CARS2: variants seen among roughly 807,000 people sequenced by gnomAD.
CARS2 encodes probable cysteine--tRNA ligase, mitochondrial.
In CARS2, 52 loss-of-function variants were observed where a neutral mutation model predicts 68.8. The observed-to-expected ratio is 0.76, with a 90% CI of 0.61 to 0.95. The LOEUF (loss-of-function observed/expected upper bound fraction) is 0.95. CARS2 is among the 40% of genes least tolerant of loss of function. The pLI is 0.00. For synonymous variants in CARS2, 314 were observed against 303.6 expected, an observed-to-expected ratio of 1.03 and a Z score of -0.36; for missense variants, 780 against 754.2, an observed-to-expected ratio of 1.03 and a Z score of -0.40.
At chr13:110,645,324 C>T (rs1447151612) in intron 12 of CARS2, 2 of 152,416 alleles carry the variant, frequency 1.3e-5, no homozygotes, top group East Asian at 3.8e-4. Flanking sequence ...CAGAGATGCT[C>T]AACTAACAGA....
chr13:110,661,235 CA>C (rs1330166132), intron 9 of CARS2, among the ~76,000 whole-genome samples: 2 of 152,208 alleles, frequency 1.3e-5, no homozygotes, highest in Non-Finnish European at 2.9e-5. Flanking sequence ...CATCTTCTTC[CA>C]ATAGAAGGCA....
At chr13:110,681,625 G>A (rs117733753) in intron 6 of CARS2, among the ~76,000 whole-genome samples, 1,763 of 152,270 alleles carry the variant, frequency 0.012, 11 homozygotes, top group Non-Finnish European at 0.017. Flanking sequence ...AAACCTGCAC[G>A]TGGATGTTTA....
chr13:110,666,654 C>T, intron 8 of CARS2: 4 of 985,428 alleles, frequency 4.1e-6, no homozygotes, highest in Non-Finnish European at 2.4e-6. Flanking sequence ...CCTAATTTCC[C>T]AATTCAAGGA....
At chr13:110,646,748 G>C (rs188702700) in intron 11 of CARS2, 1 of 221,860 alleles carries the variant, frequency 4.5e-6, no homozygotes, top group South Asian at 1.4e-4. Flanking sequence ...CTCAGAGCCC[G>C]AGGGCCCCAG....
At chr13:110,681,799 C>T (rs2063164312) in intron 6 of CARS2, among the ~76,000 whole-genome samples, 1 of 152,122 alleles carries the variant, frequency 6.6e-6, no homozygotes, top group African/African-American at 2.4e-5. Context: ...ACTGTGTATT[C>T]CTAAGTGAGA....
chr13:110,644,060 C>G (rs1444582158), intron 13 of CARS2: 3 of 1,268,588 alleles, frequency 2.4e-6, no homozygotes, highest in Non-Finnish European at 3.1e-6. Flanking sequence ...AAAATGTTCT[C>G]TTACTGTGCC....
At chr13:110,686,572 T>A (rs78259992) in intron 5 of CARS2, among the ~76,000 whole-genome samples, 2,752 of 151,814 alleles carry the variant, frequency 0.018, 110 homozygotes, top group African/African-American at 0.063. Flanking sequence ...TTATTTTTAT[T>A]TTTTGAGACA....
chr13:110,677,012 C>T lies in CARS2; in HGVS notation c.747G>A (p.Gly249=). ...AGCACTCGATGTGCCAGCCCGGCCT[C>T]CCGGGTCCCCAGGGAGAGGCCCAGA... ...EVFWASPWGP[G]RPGWHIECSA... Residue 249 remains glycine (G), a synonymous_variant, in exon 7 of 15, where the codon GGG becomes GGA. Transcript: ENST00000257347. The T allele has an allele frequency of 6.2e-7, 1 of 1,602,488 alleles. No homozygotes were observed. Among genetic ancestry groups the T allele is most frequent in the Non-Finnish European group, 8.5e-7 (1 of 1,171,372 alleles).
chr13:110,687,416 T>C (rs989886850), intron 5 of CARS2, among the ~76,000 whole-genome samples: 6 of 152,102 alleles, frequency 3.9e-5, no homozygotes, highest in Non-Finnish European at 5.9e-5. Flanking sequence ...ACGCCTGTAA[T>C]CCCAGCACTT....
chr13:110,680,738 A>G (rs1241055021), intron 6 of CARS2, among the ~76,000 whole-genome samples: 3 of 152,268 alleles, frequency 2.0e-5, no homozygotes, highest in Non-Finnish European at 2.9e-5. Flanking sequence ...CCCTCAAATG[A>G]GCAGCAAGGG....
chr13:110,695,451 C>A (rs1298745997), intron 3 of CARS2, among the ~76,000 whole-genome samples: 1 of 152,014 alleles, frequency 6.6e-6, no homozygotes, highest in Non-Finnish European at 1.5e-5. Flanking sequence ...GGGACTCGAG[C>A]ATCCAAGGAT....
chr13:110,667,325 G>T lies in CARS2; in HGVS notation c.919+15C>A. 6.2e-7 allele frequency: 1 copy of T among 1,600,618 alleles called. No homozygotes were observed. Among genetic ancestry groups the T allele is most frequent in the Non-Finnish European group, 8.5e-7 (1 of 1,173,176 alleles). ...GAATTGAAACAGAACAAATTAATCT[G>T]AAGTTATTACTTACCAGAATGCAGA... On this transcript the variant is annotated intron_variant, in intron 8 of 14. Coordinates refer to ENST00000257347, the MANE Select transcript of CARS2 (RefSeq NM_024537.4).
intron 9 of CARS2, among the ~76,000 whole-genome samples, chr13:110,656,610 C>T (rs1477979692): frequency 2.0e-5 from 3 of 151,664 alleles, no homozygotes; most frequent in Non-Finnish European, 2.9e-5. Context: ...AGAGGCCGGG[C>T]GTGGTGGCTC....
At chr13:110,664,195 T>G (rs1361282634) in intron 8 of CARS2, 3 of 985,320 alleles carry the variant, frequency 3.0e-6, no homozygotes, top group African/African-American at 3.5e-5. Context: ...TTCCTCTTTT[T>G]CTGACACAAC....
At chr13:110,703,087 C>T (rs201509268) in intron 2 of CARS2, among the ~76,000 whole-genome samples, 2 of 152,178 alleles carry the variant, frequency 1.3e-5, no homozygotes, top group African/African-American at 2.4e-5. Context: ...GCTCCTCCCC[C>T]CTAGCACCAA....
upstream of CARS2, among the ~76,000 whole-genome samples, chr13:110,709,464 T>C (rs2064009408): frequency 6.6e-6 from 1 of 152,148 alleles, no homozygotes; most frequent in Non-Finnish European, 1.5e-5. Context: ...TACCTAATGA[T>C]GGTTAGAAAT....
chr13:110,664,492 G>T, intron 8 of CARS2: 1 of 630,622 alleles, frequency 1.6e-6, no homozygotes, highest in Non-Finnish European at 2.0e-6. Flanking sequence ...ACTCCAGCCT[G>T]GGCCACAGAG....
At chr13:110,702,340 C>T (rs908873943) in intron 2 of CARS2, among the ~76,000 whole-genome samples, 7 of 152,208 alleles carry the variant, frequency 4.6e-5, no homozygotes, top group Admixed American at 2.6e-4. Flanking sequence ...ACAAAACTAT[C>T]TCCAAAACTC....
At position 110,668,411 on chromosome 13, in the gene CARS2, G is replaced by A. The variant is rs540785631; in HGVS notation, c.786-938C>T. On this transcript the variant is annotated intron_variant, in intron 7 of 14. Transcript: ENST00000257347. This position sits in a 1 kb window ranked among gnomAD's most constrained non-coding sequence, Gnocchi z 4.1. ...CAAAAAATCAGCCGGGCGTGGTGGC[G>A]GGTGCCTGTAGTCCCAGCTGCTTGG... Among the ~76,000 whole-genome samples, 13 of 152,178 alleles carry A rather than the reference G, an allele frequency of 8.5e-5. No homozygotes were observed. The highest frequency in any genetic ancestry group is 8.3e-4 in the South Asian group (4 of 4,822).
Sources: allele counts gnomAD v4.1 joint callset (sites outside exome capture counted in the v4.1 genomes callset), GRCh38; gene constraint gnomAD v4.1.1; non-coding constraint Gnocchi (gnomAD v3.1); transcripts MANE v1.5; gene names NCBI Gene and HGNC (gene_info 2026-07-23, HGNC 2026-07-21).